The following IL1RAPL2 variants were observed in gnomAD, a reference collection of about 807,000 sequenced individuals.
The protein encoded by IL1RAPL2 is X-linked interleukin-1 receptor accessory protein-like 2.
In IL1RAPL2, 3 loss-of-function variants were observed where a neutral mutation model predicts 44.1. That is an observed-to-expected ratio of 0.07 (90% CI 0.03 to 0.18). The LOEUF is 0.18. Ranked by LOEUF, IL1RAPL2 falls within the 10% of genes least tolerant of loss-of-function variation. The pLI is 1.00. For synonymous variants in IL1RAPL2, 181 were observed against 178.8 expected (o/e 1.01, Z -0.10); for missense variants, 391 against 496.4 (o/e 0.79, Z 2.02).
At chrX:105,005,908 G>T (rs2030933822) in intron 2 of IL1RAPL2, among the ~76,000 whole-genome samples, 1 of 110,678 alleles carries the variant, frequency 9.0e-6, no homozygotes. Context: ...CAGAGTTTTG[G>T]TAGGGAAATA....
At chrX:105,363,271 ATG>A (rs2035261185) in intron 5 of IL1RAPL2, among the ~76,000 whole-genome samples, 1 of 87,045 alleles carries the variant, frequency 1.1e-5, no homozygotes, top group Admixed American at 1.3e-4. Flanking sequence ...GTTTATATAT[ATG>A]TGTGTATATA....
chrX:105,307,045 CGAGTGT>C (rs1380727234), intron 5 of IL1RAPL2, among the ~76,000 whole-genome samples: 23 of 109,428 alleles, frequency 2.1e-4, no homozygotes, highest in African/African-American at 6.4e-4. Context: ...AGGGTGAGCG[CGAGTGT>C]GAGTGTAAGT....
chrX:104,959,390 T>C (rs916778925), intron 2 of IL1RAPL2, among the ~76,000 whole-genome samples: 3 of 111,656 alleles, frequency 2.7e-5, no homozygotes, highest in African/African-American at 6.5e-5. Flanking sequence ...CAGGGACTTA[T>C]AGTGGTCCCT....
intron 1 of IL1RAPL2, among the ~76,000 whole-genome samples, chrX:104,628,064 T>C (rs957178024): frequency 2.7e-5 from 3 of 111,815 alleles, no homozygotes; most frequent in African/African-American, 9.7e-5. Context: ...CTTTTCATGA[T>C]ACATAATATT....
intron 2 of IL1RAPL2, among the ~76,000 whole-genome samples, chrX:104,932,636 A>C (rs1924936319): frequency 8.9e-6 from 1 of 112,261 alleles, no homozygotes; most frequent in Non-Finnish European, 1.9e-5. Flanking sequence ...CATGGCCTTC[A>C]CATGCCCTTC....
In IL1RAPL2 at chrX:105,657,968, C is replaced by T. The variant is rs767236806; in HGVS notation, c.773-59399C>T. On this transcript the variant is annotated intron_variant, in intron 6 of 10. Transcript: ENST00000372582. ...AGTAGCTATCTATCATGTTTGGAAG[C>T]ACCAAATTAAAAAAAAAAAGGACTT... 2.3e-4 allele frequency among the ~76,000 whole-genome samples: 25 copies of T among 107,784 alleles called. No individual in the cohort carries two copies. The South Asian group carries it at 0.01, about 45-fold the overall frequency. The allele number at this position is 107,784 out of a possible 115,157, so 93.6% of individuals were successfully genotyped here.
intron 5 of IL1RAPL2, among the ~76,000 whole-genome samples, chrX:105,377,424 T>C (rs1231071478): frequency 9.2e-6 from 1 of 108,477 alleles, no homozygotes; most frequent in African/African-American, 3.4e-5. Context: ...GAGAGAGAGA[T>C]GAATACTGAG....
chrX:105,347,703 AT>A (rs1283349145), intron 5 of IL1RAPL2, among the ~76,000 whole-genome samples: 1 of 110,473 alleles, frequency 9.1e-6, no homozygotes, highest in African/African-American at 3.3e-5. Flanking sequence ...CACTCTTGAC[AT>A]TTTGAGCCGG....
In IL1RAPL2 at chrX:104,949,556, A is replaced by C. The variant is rs780858197; in HGVS notation, c.83-245919A>C. 1.3e-3 allele frequency among the ~76,000 whole-genome samples: 138 copies of C among 105,664 alleles called. 1 individual carries two copies. The highest frequency in any genetic ancestry group is 4.7e-3 in the Middle Eastern group (1 of 215). The allele number at this position is 105,664 out of a possible 115,157, so 91.8% of individuals were successfully genotyped here. A position where few individuals can be genotyped will look rare whatever the true frequency, so the allele number is the denominator to read the frequency against. On this transcript the variant is annotated intron_variant, in intron 2 of 10. Transcript: ENST00000372582. Reference sequence around the variant, plus strand: ...TTCCTGCTTTCTCTTGTGGGCATTTAGTGCTATAAATTTCCCTCTACACAC... The same window carrying C: ...TTCCTGCTTTCTCTTGTGGGCATTTCGTGCTATAAATTTCCCTCTACACAC...
chrX:104,860,078 C>A (rs777464232), intron 2 of IL1RAPL2, among the ~76,000 whole-genome samples: 1 of 112,003 alleles, frequency 8.9e-6, no homozygotes, highest in South Asian at 3.7e-4. Context: ...GGAGAATGTT[C>A]TTTTGCTGTC....
chrX:104,791,178 G>GCCCTGCCCTTCCCTT (rs911601069), intron 2 of IL1RAPL2, among the ~76,000 whole-genome samples: 2 of 107,678 alleles, frequency 1.9e-5, no homozygotes, highest in African/African-American at 3.4e-5. Context: ...GCCCTGCCTT[G>GCCCTGCCCTTCCCTT]CCCTGCCCTT....
chrX:105,150,312 A>G (rs926108352), intron 2 of IL1RAPL2, among the ~76,000 whole-genome samples: 2 of 111,831 alleles, frequency 1.8e-5, no homozygotes, highest in Non-Finnish European at 3.8e-5. Flanking sequence ...AGCAACCTCT[A>G]CTTTCAAGGT....
At chrX:105,403,915 A>G (rs1482872385) in intron 5 of IL1RAPL2, among the ~76,000 whole-genome samples, 1 of 111,786 alleles carries the variant, frequency 8.9e-6, no homozygotes, top group Admixed American at 9.5e-5. Flanking sequence ...TAATTTATCA[A>G]CCAGTTTTTC....
At chrX:105,706,416 C>T (rs1602531753) in intron 6 of IL1RAPL2, among the ~76,000 whole-genome samples, 1 of 111,638 alleles carries the variant, frequency 9.0e-6, no homozygotes, top group African/African-American at 3.3e-5. Context: ...ATGAGACTAG[C>T]CAATTGTTTT....
At chrX:105,041,809 C>T (rs1376495877) in intron 2 of IL1RAPL2, among the ~76,000 whole-genome samples, 1 of 110,155 alleles carries the variant, frequency 9.1e-6, no homozygotes. Context: ...AGGCATCACG[C>T]TACCTGACTT....
chrX:104,743,482 A>G (rs1259273029), intron 2 of IL1RAPL2, among the ~76,000 whole-genome samples: 2 of 110,615 alleles, frequency 1.8e-5, no homozygotes, highest in African/African-American at 6.6e-5. Context: ...TTATATAGTA[A>G]TAATTACCAC....
At chrX:105,627,721 A>T (rs377657080) in intron 6 of IL1RAPL2, among the ~76,000 whole-genome samples, 1 of 111,919 alleles carries the variant, frequency 8.9e-6, no homozygotes, top group East Asian at 2.8e-4. Flanking sequence ...TTGATATCAG[A>T]TCTATTCCTG....
At chrX:105,705,743 C>T (rs967094170) in intron 6 of IL1RAPL2, among the ~76,000 whole-genome samples, 6 of 111,540 alleles carry the variant, frequency 5.4e-5, no homozygotes, top group African/African-American at 2.0e-4. Context: ...ATAAATTATT[C>T]TTAGTGACAC....
chrX:105,502,497 G>A (rs1013423108), intron 6 of IL1RAPL2, among the ~76,000 whole-genome samples: 3 of 111,246 alleles, frequency 2.7e-5, no homozygotes, highest in Non-Finnish European at 5.7e-5. Flanking sequence ...GAGATCATCT[G>A]TGTGAAGGCA....
Sources: allele counts gnomAD v4.1 joint callset (sites outside exome capture counted in the v4.1 genomes callset), GRCh38; gene constraint gnomAD v4.1.1; transcripts MANE v1.5; gene names NCBI Gene and HGNC (gene_info 2026-07-23, HGNC 2026-07-21).